The following SLC47A1 variants were observed in gnomAD, a reference collection of about 807,000 sequenced individuals.
SLC47A1 encodes the protein solute carrier family 47 member 1.
SLC47A1 carries 58 observed loss-of-function variants against 65.8 expected under a neutral mutation model. The observed-to-expected ratio is 0.88, with a 90% confidence interval of 0.71 to 1.10. The LOEUF is 1.10. Among genes scored for constraint, SLC47A1 ranks in the 50% least tolerant of loss-of-function variants. The pLI, the probability that SLC47A1 is intolerant of heterozygous loss-of-function variation, is 0.00. For synonymous variants in SLC47A1, 285 were observed against 295.0 expected, an observed-to-expected ratio of 0.97 and a Z score of 0.35; for missense variants, 706 against 719.2, an observed-to-expected ratio of 0.98 and a Z score of 0.21.
intron 5 of SLC47A1, among the ~76,000 whole-genome samples, chr17:19,550,342 G>T (rs545781609): frequency 2.0e-4 from 30 of 151,840 alleles, no homozygotes; most frequent in Non-Finnish European, 3.8e-4. Context: ...CTAAGATAGG[G>T]TGTCACTCTG....
Position 19,544,164 on chromosome 17 carries a change from T to C in SLC47A1, c.237+1670T>C, listed in dbSNP as rs534455636. Among the ~76,000 whole-genome samples, 11 of 152,274 alleles carry C rather than the reference T, an allele frequency of 7.2e-5. No individual in the cohort carries two copies. The South Asian group carries it at 1.2e-3, about 17-fold the overall frequency. On this transcript the variant is annotated intron_variant, in intron 2 of 16. Transcript: ENST00000270570. ...TTTCACCATGTTGGTCAGGTGGGTC[T>C]TGAACTCCTGACCTCGTGATCTGCC... is the stretch of plus-strand genomic sequence containing the variant.
At chr17:19,568,212 T>C (rs1316900772) in intron 14 of SLC47A1, 2 of 152,196 alleles carry the variant, frequency 1.3e-5, no homozygotes, top group East Asian at 3.8e-4. Flanking sequence ...CAGTTCAGTA[T>C]GTTCCTTTAT....
In SLC47A1 at chr17:19,567,220, G is replaced by A. The variant is rs2152316729; in HGVS notation, c.1301G>A (p.Gly434Glu). The A allele has an allele frequency of 1.2e-6, 2 of 1,614,188 alleles. No homozygotes were observed. The highest frequency in any genetic ancestry group is 4.5e-5 in the East Asian group (2 of 44,882). The change falls in exon 14 of 17, where the codon GGA (glycine) becomes GAA (glutamate). Residue 434 changes from glycine (G) to glutamate (E), a missense_variant. Physicochemically the swap from Gly to Glu is moderately conservative, Grantham distance 98. Transcript: ENST00000270570. ...GCGCTGATGTTTGCAACCACACTTG[G>A]AGTGATGGGTAAGCTCTAACCTCTG... ...GIALMFATTL[G>E]VMGLWSGIII...
chr17:19,537,875 C>T lies in SLC47A1; in HGVS notation c.135+3801C>T, dbSNP rs537001018. Among the ~76,000 whole-genome samples, 60 of 152,346 alleles carry T rather than the reference C, an allele frequency of 3.9e-4. 1 individual carries two copies. The highest frequency in any genetic ancestry group is 3.1e-3 in the South Asian group (15 of 4,828). ...CCTCAGCCTGGAAAGTCCTCCCCGA[C>T]AGACAAGTCTCCAGCACCTGACTAT... On this transcript the variant is annotated intron_variant, in intron 1 of 16. Coordinates refer to ENST00000270570, the MANE Select transcript of SLC47A1 (RefSeq NM_018242.3).
At chr17:19,569,617 A>G (rs1321874923) in intron 14 of SLC47A1, among the ~76,000 whole-genome samples, 1 of 152,232 alleles carries the variant, frequency 6.6e-6, no homozygotes, top group Non-Finnish European at 1.5e-5. Flanking sequence ...CTCAGAAGCA[A>G]CCTCAGGAAA....
chr17:19,561,078 G>A (rs2084306284), intron 12 of SLC47A1, among the ~76,000 whole-genome samples: 2 of 151,672 alleles, frequency 1.3e-5, no homozygotes, highest in African/African-American at 2.4e-5. Flanking sequence ...CCAACATGGT[G>A]AAACCCCCAT....
At chr17:19,563,208 C>G (rs1331427226) in intron 12 of SLC47A1, among the ~76,000 whole-genome samples, 27 of 146,336 alleles carry the variant, frequency 1.8e-4, no homozygotes. Context: ...TCTCAGCTCA[C>G]TGCAAGCTCT....
Position 19,533,913 on chromosome 17 carries a change from G to T in SLC47A1, c.-27G>T. On this transcript the variant is annotated 5_prime_UTR_variant, in exon 1 of 17. Transcript: ENST00000270570. The stretch of plus-strand genomic sequence containing the variant: ...CGCGGTACCCACTGCCGGCCTCCGC[G>T]CTACCCGGCCGCAGCGCGCGAGTCA... 6.8e-7 allele frequency: 1 copy of T among 1,474,230 alleles called. No homozygotes were observed. The highest frequency in any genetic ancestry group is 8.9e-7 in the Non-Finnish European group (1 of 1,117,420). 91.3% of individuals were successfully genotyped at this position (1,474,230 alleles called of 1,614,324 possible).
chr17:19,572,849 C>G lies in SLC47A1; in HGVS notation c.1474C>G (p.Pro492Ala), dbSNP rs1482478914. The change falls in exon 16 of 17, where the codon CCG (proline) becomes GCG (alanine). Residue 492 changes from proline to alanine, a missense_variant. Physicochemically the swap from Pro to Ala is conservative, Grantham distance 27 (BLOSUM62 -1). Coordinates refer to ENST00000270570, the MANE Select transcript of SLC47A1 (RefSeq NM_018242.3). ...TGGGAATTCTGCTCTCCCTCAGGAT[C>G]CGCTTCACCCAGGTAAGATATGACT... ...RSGNSALPQD[P>A]LHPGCPENLE... The G allele has an allele frequency of 6.2e-7, 1 of 1,613,994 alleles. No individual in the cohort carries two copies. The highest frequency in any genetic ancestry group is 1.3e-5 in the African/African-American group (1 of 74,904).
At position 19,558,069 on chromosome 17, in the gene SLC47A1, T is replaced by A. The variant is rs1448453546; in HGVS notation, c.921+2007T>A. Among the ~76,000 whole-genome samples, 3 of 152,080 alleles carry A rather than the reference T, an allele frequency of 2.0e-5. No individual in the cohort carries two copies. The East Asian group carries it at 5.8e-4, about 29-fold the overall frequency. On this transcript the variant is annotated intron_variant, in intron 10 of 16. Coordinates refer to ENST00000270570, the MANE Select transcript of SLC47A1 (RefSeq NM_018242.3). The stretch of plus-strand genomic sequence containing the variant: ...GGTTCACCAGTTTTGTCACATTTAT[T>A]CTGTCTGGTCTATCTACACAGTCCA...
chr17:19,563,128 C>CTTTTTTTTT (rs572651224), intron 12 of SLC47A1, among the ~76,000 whole-genome samples: 2 of 82,644 alleles, frequency 2.4e-5, no homozygotes, highest in African/African-American at 4.9e-5. Context: ...TAAGAGAAAG[C>CTTTTTTTTT]TTTTTTTTTT....
At chr17:19,564,255 G>A (rs2084338997) in intron 12 of SLC47A1, among the ~76,000 whole-genome samples, 2 of 152,004 alleles carry the variant, frequency 1.3e-5, no homozygotes, top group Admixed American at 1.3e-4. Flanking sequence ...AGAAGCTGAG[G>A]TGGGAGGATC....
chr17:19,540,988 T>A (rs1254804806), intron 1 of SLC47A1, among the ~76,000 whole-genome samples: 1 of 152,110 alleles, frequency 6.6e-6, no homozygotes, highest in African/African-American at 2.4e-5. Flanking sequence ...AGGGAGATCA[T>A]CGGAACCATT....
chr17:19,555,691 G>A lies in SLC47A1; in HGVS notation c.739+1G>A. ...AAACTGCATCAAGCTACATGGGGAGGTAATGACTGCCCTTTTGTCTTCCAA... is the reference window on the plus strand; with the variant it reads ...AAACTGCATCAAGCTACATGGGGAGATAATGACTGCCCTTTTGTCTTCCAA... On this transcript the variant is annotated splice_donor_variant, in intron 8 of 16. Transcript: ENST00000270570. LOFTEE classifies it high-confidence loss of function. 1 of 1,614,092 alleles carries A rather than the reference G, an allele frequency of 6.2e-7. No homozygotes were observed. The highest frequency in any genetic ancestry group is 1.1e-5 in the South Asian group (1 of 91,076).
chr17:19,573,128 G>GA (rs1436503786), intron 16 of SLC47A1, among the ~76,000 whole-genome samples: 4 of 152,172 alleles, frequency 2.6e-5, no homozygotes, highest in Non-Finnish European at 4.4e-5. Context: ...CTAACACTTG[G>GA]AAATACTGTG....
At chr17:19,556,417 G>C (rs1176580558) in intron 10 of SLC47A1, among the ~76,000 whole-genome samples, 3 of 152,158 alleles carry the variant, frequency 2.0e-5, no homozygotes, top group African/African-American at 7.2e-5. Context: ...ATAGCAGAGG[G>C]ATGAGGCTGG....
rs1314045669 is a variant in SLC47A1, at chr17:19,555,221, C to G, written c.553C>G (p.Leu185Val). Residue 185 changes from leucine (L) to valine (V), a missense_variant, in exon 7 of 17, where the codon CTG (leucine) becomes GTG (valine). Transcript: ENST00000270570. ...VKYLLNQGIV[L>V]PQIVTGVAAN... is the part of the protein sequence containing the mutation. ...GGTGTCCTTTTTCCAGGGAATTGTA[C>G]TGCCCCAGATCGTAACTGGAGTTGC... The G allele has an allele frequency of 3.7e-6, 6 of 1,614,058 alleles. No individual in the cohort carries two copies. Among genetic ancestry groups the G allele is most frequent in the Non-Finnish European group, 5.1e-6 (6 of 1,180,032 alleles).
intron 12 of SLC47A1, among the ~76,000 whole-genome samples, chr17:19,561,846 C>T (rs938440097): frequency 2.6e-5 from 4 of 152,036 alleles, no homozygotes; most frequent in African/African-American, 9.7e-5. Context: ...ATTTTGTTTC[C>T]AGTGATAAGA....
intron 6 of SLC47A1, 113 bp downstream of exon 6, chr17:19,551,581 C>G: frequency 1.2e-6 from 1 of 864,762 alleles, no homozygotes; most frequent in South Asian, 1.4e-5. Context: ...AGGGAGCTCA[C>G]TGCTGGGAGC....
Sources: allele counts gnomAD v4.1 joint callset (sites outside exome capture counted in the v4.1 genomes callset), GRCh38; gene constraint gnomAD v4.1.1; transcripts MANE v1.5; gene names NCBI Gene and HGNC (gene_info 2026-07-23, HGNC 2026-07-21).